Variants in PDE7A observed in about 807,000 individuals in gnomAD.
PDE7A encodes high affinity 3',5'-cyclic-AMP phosphodiesterase 7A.
In PDE7A, 39 loss-of-function variants were observed where a neutral mutation model predicts 64.3. That is an observed-to-expected ratio of 0.61 (90% CI 0.47 to 0.79). The LOEUF (loss-of-function observed/expected upper bound fraction) is 0.79. Among genes scored for constraint, PDE7A ranks in the 30% least tolerant of loss-of-function variants. The probability of loss-of-function intolerance (pLI) is 0.00; values close to 1 mark genes in which losing one functional copy is unlikely to be tolerated. For synonymous variants in PDE7A, 203 were observed against 206.8 expected (o/e 0.98, Z 0.16); for missense variants, 470 against 582.8 (o/e 0.81, Z 1.99).
intron 2 of PDE7A, 121 bp downstream of exon 2, chr8:65,782,662 A>C: frequency 1.6e-6 from 1 of 612,870 alleles, no homozygotes; most frequent in South Asian, 2.1e-5. Context: ...AAACTCCATG[A>C]ATAGGTTATT....
At chr8:65,815,257 A>G (rs1415634142) in intron 1 of PDE7A, among the ~76,000 whole-genome samples, 1 of 152,196 alleles carries the variant, frequency 6.6e-6, no homozygotes, top group African/African-American at 2.4e-5. Flanking sequence ...ACTAAGCCCT[A>G]ACTTATAAGA....
chr8:65,818,750 T>G (rs978717108), intron 1 of PDE7A, among the ~76,000 whole-genome samples: 1 of 152,240 alleles, frequency 6.6e-6, no homozygotes, highest in Non-Finnish European at 1.5e-5. Context: ...GTTGAGCACA[T>G]GCACAGCCTC....
At chr8:65,781,388 T>C (rs7828699) in intron 2 of PDE7A, among the ~76,000 whole-genome samples, 73,125 of 151,892 alleles carry the variant, frequency 0.48, 20,499 homozygotes, top group African/African-American at 0.78. Flanking sequence ...TGGACCTTTG[T>C]GGCCATCAGA....
intron 1 of PDE7A, among the ~76,000 whole-genome samples, chr8:65,783,397 T>C (rs1241527271): frequency 6.6e-6 from 1 of 152,206 alleles, no homozygotes; most frequent in Non-Finnish European, 1.5e-5. Context: ...CCCCCACTGC[T>C]AGGAGACAGC....
chr8:65,748,166 A>C (rs1807773797), intron 3 of PDE7A, among the ~76,000 whole-genome samples: 1 of 152,048 alleles, frequency 6.6e-6, no homozygotes, highest in Non-Finnish European at 1.5e-5. Context: ...ATAAACATGG[A>C]GCAGAAACAT....
chr8:65,798,179 C>CATATATATATATATATAT (rs1218978698), intron 1 of PDE7A, among the ~76,000 whole-genome samples: 10 of 118,902 alleles, frequency 8.4e-5, no homozygotes, highest in African/African-American at 2.6e-4. Flanking sequence ...TGTGTGTGTG[C>CATATATATATATATATAT]ATATATATAT....
chr8:65,736,114 A>G (rs185976199), intron 6 of PDE7A, among the ~76,000 whole-genome samples: 2 of 152,322 alleles, frequency 1.3e-5, no homozygotes, highest in Admixed American at 1.3e-4. Flanking sequence ...GAAATTAACA[A>G]TAATTAAAAT....
chr8:65,788,749 G>T, intron 1 of PDE7A: 1 of 567,220 alleles, frequency 1.8e-6, no homozygotes. Context: ...TTGGTCGACA[G>T]ATGAAACTCA....
intron 7 of PDE7A, among the ~76,000 whole-genome samples, chr8:65,733,350 C>CCT (rs1479661987): frequency 2.0e-5 from 3 of 152,264 alleles, no homozygotes; most frequent in East Asian, 3.9e-4. Context: ...CTGCAGAGAA[C>CCT]TTATTACCAT....
At chr8:65,755,193 A>C (rs1315081573) in intron 3 of PDE7A, among the ~76,000 whole-genome samples, 1 of 151,024 alleles carries the variant, frequency 6.6e-6, no homozygotes, top group East Asian at 2.0e-4. Context: ...GCTAATTTTT[A>C]TATCTTTAGT....
intron 1 of PDE7A, among the ~76,000 whole-genome samples, chr8:65,824,874 CTG>C (rs1391802128): frequency 2.0e-5 from 3 of 152,154 alleles, no homozygotes; most frequent in Admixed American, 6.5e-5. Flanking sequence ...ATTAGCTTTA[CTG>C]TGATAGTCTG....
intron 3 of PDE7A, among the ~76,000 whole-genome samples, chr8:65,760,182 G>C (rs1585885095): frequency 6.6e-6 from 1 of 152,296 alleles, no homozygotes; most frequent in East Asian, 1.9e-4. Flanking sequence ...AGAGGTTGCA[G>C]TGAGCTAAGA....
rs186724691 is a variant in PDE7A at position 65,803,560 on chromosome 8, G to A, written c.139-20717C>T. On this transcript the variant is annotated intron_variant, in intron 1 of 12. Coordinates refer to ENST00000401827, the MANE Select transcript of PDE7A (RefSeq NM_001242318.3). ...AATTTACTTTCAGGAGACAAGACAT[G>A]GCTGGAATAGGTGGTGTTTAATCTT... Among the ~76,000 whole-genome samples the A allele has an allele frequency of 3.8e-3, 581 of 152,228 alleles. 2 individuals are homozygous for A. Among genetic ancestry groups the A allele is most frequent in the Middle Eastern group, 0.014 (4 of 294 alleles).
intron 1 of PDE7A, among the ~76,000 whole-genome samples, chr8:65,804,318 C>T (rs1810062144): frequency 6.6e-6 from 1 of 152,110 alleles, no homozygotes; most frequent in Non-Finnish European, 1.5e-5. Flanking sequence ...GGGGCATTAC[C>T]ACTGTCATAC....
intron 1 of PDE7A, among the ~76,000 whole-genome samples, chr8:65,833,005 G>A (rs1366985002): frequency 1.3e-5 from 2 of 152,152 alleles, no homozygotes; most frequent in Non-Finnish European, 2.9e-5. Context: ...TGTTACCTTG[G>A]ACAAATGACA....
chr8:65,829,482 C>T (rs545756611), intron 1 of PDE7A, among the ~76,000 whole-genome samples: 2 of 152,122 alleles, frequency 1.3e-5, no homozygotes, highest in South Asian at 2.1e-4. Flanking sequence ...AGAAGATATG[C>T]CACCCAAATA....
rs868010601 is a variant in PDE7A, at chr8:65,789,200, G to C, written c.139-6357C>G. On this transcript the variant is annotated intron_variant, in intron 1 of 12. Coordinates refer to ENST00000401827, the MANE Select transcript of PDE7A (RefSeq NM_001242318.3). ...TAGAACTGCCTAAGTAATGTTGGAA[G>C]AGGGGAGGGAAAAGACTTTAGTGAG... 4.6e-5 allele frequency: 22 copies of C among 479,408 alleles called. No individual in the cohort carries two copies. The Middle Eastern group carries it at 2.9e-3, about 63-fold the overall frequency. 29.7% of individuals were successfully genotyped at this position (479,408 alleles called of 1,614,324 possible).
chr8:65,819,195 A>G (rs1810481493), intron 1 of PDE7A, among the ~76,000 whole-genome samples: 1 of 152,212 alleles, frequency 6.6e-6, no homozygotes, highest in Admixed American at 6.5e-5. Flanking sequence ...GGAGTTCAAG[A>G]CCAGCCTGGG....
intron 1 of PDE7A, among the ~76,000 whole-genome samples, chr8:65,827,649 A>G (rs1352280892): frequency 6.6e-6 from 1 of 152,160 alleles, no homozygotes; most frequent in African/African-American, 2.4e-5. Flanking sequence ...ACATTATAAC[A>G]CTGTATTTTT....
Sources: allele counts gnomAD v4.1 joint callset (sites outside exome capture counted in the v4.1 genomes callset), GRCh38; gene constraint gnomAD v4.1.1; transcripts MANE v1.5; gene names NCBI Gene and HGNC (gene_info 2026-07-23, HGNC 2026-07-21).